Variants in IHO1 observed in about 807,000 individuals in gnomAD.
IHO1 encodes interactor of HORMAD1 1.
A neutral mutation model predicts 31.0 loss-of-function variants in IHO1; 13 were observed. That is an observed-to-expected ratio of 0.42 (90% CI 0.27 to 0.67). The LOEUF (loss-of-function observed/expected upper bound fraction) is 0.67. IHO1 is among the 30% of genes least tolerant of loss of function. IHO1 has a pLI of 0.24. For synonymous variants in IHO1, 221 were observed against 248.4 expected, an observed-to-expected ratio of 0.89 and a Z score of 1.04; for missense variants, 599 against 687.5, an observed-to-expected ratio of 0.87 and a Z score of 1.44.
Position 49,243,751 on chromosome 3 carries a change from C to G in IHO1, c.396-653C>G, listed in dbSNP as rs1216571185. The stretch of plus-strand genomic sequence containing the variant: ...CCAGCCTGGGTGACGGAGCGAGACT[C>G]TGTCTCAAAAAAAAAAAAAAAAAAA... On this transcript the variant is annotated intron_variant, in intron 4 of 7. Coordinates refer to ENST00000452691, the MANE Select transcript of IHO1 (RefSeq NM_001135197.2). Among the ~76,000 whole-genome samples the G allele has an allele frequency of 1.1e-3, 128 of 112,346 alleles. 2 individuals carry two copies. The highest frequency in any genetic ancestry group is 2.1e-4 in the Non-Finnish European group (12 of 58,436). 73.7% of individuals were successfully genotyped at this position (112,346 alleles called of 152,430 possible). A position where few individuals can be genotyped will look rare whatever the true frequency, so the allele number is the denominator to read the frequency against.
chr3:49,230,900 C>T (rs980208183), intron 2 of IHO1, among the ~76,000 whole-genome samples: 1 of 152,150 alleles, frequency 6.6e-6, no homozygotes, highest in African/African-American at 2.4e-5. Context: ...TAGAGGAGGT[C>T]CTAGTCTCAC....
chr3:49,241,536 CAT>C (rs2046630996), intron 4 of IHO1, 147 bp downstream of exon 4: 12 of 565,882 alleles, frequency 2.1e-5, no homozygotes, highest in South Asian at 7.6e-5. Flanking sequence ...CTTACACACA[CAT>C]ACACACACAC....
At chr3:49,221,504 C>T (rs2046355671) in intron 2 of IHO1, among the ~76,000 whole-genome samples, 1 of 152,206 alleles carries the variant, frequency 6.6e-6, no homozygotes, top group Non-Finnish European at 1.5e-5. Context: ...GCTGGATTCA[C>T]CTCTCAATCC....
chr3:49,244,361 A>G (rs759996167), intron 4 of IHO1, 43 bp from the exon 5 acceptor site: 3 of 1,171,894 alleles, frequency 2.6e-6, no homozygotes, highest in South Asian at 1.3e-5. Flanking sequence ...TATCACTTCA[A>G]TATTTCATAA....
Position 49,237,425 on chromosome 3 carries a change from A to G in IHO1, c.231+703A>G, listed in dbSNP as rs544683557. 2.7e-3 allele frequency among the ~76,000 whole-genome samples: 417 copies of G among 152,256 alleles called. 3 individuals are homozygous for G. Among genetic ancestry groups the G allele is most frequent in the African/African-American group, 9.3e-3 (387 of 41,540 alleles). On this transcript the variant is annotated intron_variant, in intron 3 of 7. Transcript: ENST00000452691. ...TTAAAAAAATTACTTATTCTGTTGG[A>G]ATATGTTTTAGAATTGTACATCTGT...
intron 6 of IHO1, chr3:49,245,186 C>A: frequency 2.0e-5 from 5 of 247,098 alleles, no homozygotes; most frequent in East Asian, 7.5e-5. Context: ...GCATCATTCT[C>A]AATTTTTTTT....
chr3:49,227,494 C>T (rs1213749450), intron 2 of IHO1, among the ~76,000 whole-genome samples: 2 of 152,182 alleles, frequency 1.3e-5, no homozygotes, highest in Admixed American at 6.5e-5. Flanking sequence ...GCAGCAGAAA[C>T]AGTAGTTTTC....
At chr3:49,193,503 C>A (rs545693561), upstream of IHO1, among the ~76,000 whole-genome samples, 1 of 151,668 alleles carries the variant, frequency 6.6e-6, no homozygotes, top group Non-Finnish European at 1.5e-5. Flanking sequence ...TCAAGACCAG[C>A]CTGGCCAACA....
upstream of IHO1, among the ~76,000 whole-genome samples, chr3:49,195,701 G>A (rs1408941434): frequency 2.0e-5 from 3 of 151,592 alleles, no homozygotes; most frequent in Non-Finnish European, 4.4e-5. Flanking sequence ...GCCACAGAGT[G>A]AGACTCCATC....
rs144000689 is a variant in IHO1, at chr3:49,250,725, A to G, written c.533-4665A>G. On this transcript the variant is annotated intron_variant, in intron 6 of 7. Coordinates refer to ENST00000452691, the MANE Select transcript of IHO1 (RefSeq NM_001135197.2). ...GTACCTGTGGTGAGAAATATGGGAA[A>G]ATTTGCTTTCTAAAAAATTCTTTGG... Among the ~76,000 whole-genome samples, 101 of 152,196 alleles carry G rather than the reference A, an allele frequency of 6.6e-4. 1 individual carries two copies. The East Asian group carries it at 0.014, about 21-fold the overall frequency.
intron 2 of IHO1, among the ~76,000 whole-genome samples, chr3:49,213,638 G>A (rs772077538): frequency 7.9e-5 from 12 of 152,332 alleles, no homozygotes; most frequent in Non-Finnish European, 1.3e-4. Flanking sequence ...ATGGTGGGCC[G>A]GCACTGCTGG....
intron 1 of IHO1, among the ~76,000 whole-genome samples, chr3:49,205,403 C>T (rs961573067): frequency 4.0e-5 from 6 of 151,392 alleles, no homozygotes; most frequent in Non-Finnish European, 7.4e-5. Flanking sequence ...ACTGCAACCT[C>T]TGCCTTCTGG....
chr3:49,233,763 C>CT (rs1437611506), intron 2 of IHO1, among the ~76,000 whole-genome samples: 2 of 152,232 alleles, frequency 1.3e-5, no homozygotes, highest in Admixed American at 6.5e-5. Context: ...CTCTGCAGCA[C>CT]TGTGACATGT....
At chr3:49,222,779 T>C (rs560000450) in intron 2 of IHO1, among the ~76,000 whole-genome samples, 1 of 152,274 alleles carries the variant, frequency 6.6e-6, no homozygotes, top group South Asian at 2.1e-4. Flanking sequence ...CTCCAATGGT[T>C]CGCAAGTTTA....
chr3:49,241,876 C>A (rs921493592), intron 4 of IHO1, among the ~76,000 whole-genome samples: 25 of 151,868 alleles, frequency 1.6e-4, no homozygotes, highest in African/African-American at 6.0e-4. Flanking sequence ...CCATCTCAGC[C>A]TCCCAAAATG....
intron 1 of IHO1, among the ~76,000 whole-genome samples, chr3:49,201,867 A>G (rs1407815258): frequency 1.3e-5 from 2 of 152,180 alleles, no homozygotes; most frequent in Non-Finnish European, 2.9e-5. Flanking sequence ...GTAGTGAGCC[A>G]AGATCGCAAC....
At position 49,224,604 on chromosome 3, in the gene IHO1, G is replaced by T. The variant is rs571114342; in HGVS notation, c.57-11944G>T. On this transcript the variant is annotated intron_variant, in intron 2 of 7. Transcript: ENST00000452691. ...AAGTGCCACTAGTTCTGCTAACTGG[G>T]CGCTGGTCCCTGGGGGAAGAGGCTT... Among the ~76,000 whole-genome samples the T allele has an allele frequency of 2.6e-5, 4 of 152,302 alleles. No individual in the cohort carries two copies. In the South Asian group the frequency reaches 8.3e-4, roughly 32 times the overall value.
rs1186436459 is a variant in IHO1 at position 49,199,504 on chromosome 3, GC to G, written c.-84del. 1 of 152,268 alleles carries G rather than the reference GC, an allele frequency of 6.6e-6. No homozygotes were observed. The highest frequency in any genetic ancestry group is 1.5e-5 in the Non-Finnish European group (1 of 68,170). The allele number at this position is 152,268 out of a possible 1,614,324, so 9.4% of individuals were successfully genotyped here. A position where few individuals can be genotyped will look rare whatever the true frequency, so the allele number is the denominator to read the frequency against. On this transcript the variant is annotated 5_prime_UTR_variant, in exon 1 of 8. Transcript: ENST00000452691. ...CGGGGCCGCGCGTGCCGTTGCAGAGGCAGCGGGACGCGGCCACCTCGAAGCC... is the reference window on the plus strand; with the variant it reads ...CGGGGCCGCGCGTGCCGTTGCAGAGGAGCGGGACGCGGCCACCTCGAAGCC...
chr3:49,195,863 A>G (rs1006876232), upstream of IHO1, among the ~76,000 whole-genome samples: 2 of 151,226 alleles, frequency 1.3e-5, no homozygotes, highest in African/African-American at 4.9e-5. Context: ...GCACTTTGGG[A>G]GGCCAAGGTG....
Sources: gnomAD v4.1 joint callset for allele counts (sites outside exome capture counted in the v4.1 genomes callset) on GRCh38, gnomAD v4.1.1 for gene constraint, MANE v1.5 for transcripts, NCBI Gene and HGNC (gene_info 2026-07-23, HGNC 2026-07-21) for gene names.